The following CFAP263 variants were observed in gnomAD, a reference collection of about 807,000 sequenced individuals.
The protein encoded by CFAP263 is cilia- and flagella-associated protein 263.
chr16:58,267,469 T>C, the CFAP263 span: 2 of 1,593,102 alleles, frequency 1.3e-6, no homozygotes, highest in Non-Finnish European at 1.7e-6. Flanking sequence ...GCTGTGTTGT[T>C]ATATTTCAGA....
the CFAP263 span, among the ~76,000 whole-genome samples, chr16:58,272,696 A>C: frequency 6.6e-6 from 1 of 151,710 alleles, no homozygotes; most frequent in East Asian, 1.9e-4. Context: ...TTGTTGCTCA[A>C]ATTGTTCCAG....
the CFAP263 span, chr16:58,280,955 G>A: frequency 1.8e-6 from 1 of 569,300 alleles, no homozygotes. Flanking sequence ...CTTTTATTAT[G>A]CAAATTAGCT....
At chr16:58,274,319 TA>T in the CFAP263 span, among the ~76,000 whole-genome samples, 1 of 152,176 alleles carries the variant, frequency 6.6e-6, no homozygotes, top group Non-Finnish European at 1.5e-5. Context: ...TTGCTTACCT[TA>T]AAAAACTCCA....
At chr16:58,283,193 T>A in the CFAP263 span, 1 of 152,200 alleles carries the variant, frequency 6.6e-6, no homozygotes, top group South Asian at 2.1e-4. Flanking sequence ...GGGAAACCCA[T>A]AGGCAGATTC....
chr16:58,262,787 A>ATAGATAGG, the CFAP263 span, among the ~76,000 whole-genome samples: 91 of 150,466 alleles, frequency 6.0e-4, no homozygotes, highest in African/African-American at 8.3e-4. Flanking sequence ...AGATAGATAG[A>ATAGATAGG]TAGATAGATA....
the CFAP263 span, among the ~76,000 whole-genome samples, chr16:58,262,726 T>C: frequency 2.0e-5 from 3 of 149,904 alleles, no homozygotes. Context: ...CCAGAGTTTT[T>C]CTTTAAAAAA....
chr16:58,254,010 C>T, the CFAP263 span: 5 of 1,614,036 alleles, frequency 3.1e-6, no homozygotes, highest in Admixed American at 3.3e-5. Flanking sequence ...TCGAGGCAGG[C>T]GTAGATCCAA....
chr16:58,265,054 G>T, the CFAP263 span, among the ~76,000 whole-genome samples: 1 of 152,256 alleles, frequency 6.6e-6, no homozygotes. Flanking sequence ...CTGGAGTCTG[G>T]TAAAATGTAA....
the CFAP263 span, among the ~76,000 whole-genome samples, chr16:58,263,636 A>G: frequency 6.6e-6 from 1 of 152,164 alleles, no homozygotes; most frequent in Non-Finnish European, 1.5e-5. Context: ...GACCAAGTTT[A>G]TGTTTGTTCA....
chr16:58,254,060 C>T, the CFAP263 span: 78 of 1,614,074 alleles, frequency 4.8e-5, no homozygotes, highest in South Asian at 6.6e-5. Context: ...GCCTGACTGC[C>T]GACCAAAAAC....
the CFAP263 span, among the ~76,000 whole-genome samples, chr16:58,276,764 T>C: frequency 2.0e-5 from 3 of 152,236 alleles, no homozygotes; most frequent in Non-Finnish European, 4.4e-5. Context: ...TAAGTGACTG[T>C]GGGAGAATTG....
chr16:58,254,340 T>C, the CFAP263 span, among the ~76,000 whole-genome samples: 40 of 152,266 alleles, frequency 2.6e-4, no homozygotes, highest in African/African-American at 9.6e-4. Flanking sequence ...AACACATTTT[T>C]GAACATTTTT....
chr16:58,250,507 G>T, the CFAP263 span: 55 of 162,040 alleles, frequency 3.4e-4, 1 homozygote, highest in South Asian at 8.2e-3. Flanking sequence ...GCTCACGCCT[G>T]TAATCTCAGC....
At chr16:58,265,317 A>T in the CFAP263 span, among the ~76,000 whole-genome samples, 1 of 152,230 alleles carries the variant, frequency 6.6e-6, no homozygotes, top group African/African-American at 2.4e-5. Flanking sequence ...ATCTAATCAC[A>T]CGAGTCCTTT....
the CFAP263 span, among the ~76,000 whole-genome samples, chr16:58,260,445 A>G: frequency 6.6e-6 from 1 of 152,232 alleles, no homozygotes; most frequent in Non-Finnish European, 1.5e-5. Flanking sequence ...GATTTGTTAC[A>G]GGAGCAACAG....
At chr16:58,276,738 C>T in the CFAP263 span, among the ~76,000 whole-genome samples, 6 of 152,254 alleles carry the variant, frequency 3.9e-5, no homozygotes, top group East Asian at 1.2e-3. Flanking sequence ...ATTGTAATAG[C>T]AAGAGATTAA....
the CFAP263 span, among the ~76,000 whole-genome samples, chr16:58,261,417 A>G: frequency 6.6e-6 from 1 of 152,198 alleles, no homozygotes; most frequent in Non-Finnish European, 1.5e-5. Context: ...GGAGATGGGG[A>G]GTAGATGGAT....
the CFAP263 span, chr16:58,262,506 C>A: frequency 1.2e-6 from 2 of 1,611,946 alleles, no homozygotes; most frequent in South Asian, 2.2e-5. Context: ...AAGCTGTCAT[C>A]TGGAAACACT....
At chr16:58,267,991 G>T in the CFAP263 span, among the ~76,000 whole-genome samples, 1 of 151,614 alleles carries the variant, frequency 6.6e-6, no homozygotes, top group African/African-American at 2.4e-5. Context: ...GTAAAGGAGA[G>T]ACAGAGAGAG....
Sources: gnomAD v4.1 joint callset for allele counts (sites outside exome capture counted in the v4.1 genomes callset) on GRCh38, gnomAD v4.1.1 for gene constraint, MANE v1.5 for transcripts, NCBI Gene and HGNC (gene_info 2026-07-23, HGNC 2026-07-21) for gene names.